Variants in LIN52 observed in about 807,000 individuals in gnomAD.
LIN52 encodes the protein lin-52 DREAM MuvB core complex component.
Under a neutral mutation model 18.5 loss-of-function variants are expected in LIN52, and 4 were observed. The observed-to-expected ratio is 0.22, with a 90% CI of 0.11 to 0.49. LIN52 has a LOEUF of 0.49. LIN52 is among the 20% of genes least tolerant of loss of function. LIN52 has a pLI of 0.97. For synonymous variants in LIN52, 34 were observed against 45.5 expected (o/e 0.75, Z 1.02); for missense variants, 102 against 139.5 (o/e 0.73, Z 1.35).
chr14:74,092,462 G>A (rs1172243049), intron 2 of LIN52, among the ~76,000 whole-genome samples: 1 of 149,904 alleles, frequency 6.7e-6, no homozygotes, highest in African/African-American at 2.4e-5. Context: ...ATGCCGCAAT[G>A]CCCGGCTAAT....
At chr14:74,184,869 G>A (rs531897154) in intron 5 of LIN52, among the ~76,000 whole-genome samples, 76 of 152,048 alleles carry the variant, frequency 5.0e-4, no homozygotes, top group Non-Finnish European at 8.8e-4. Flanking sequence ...TCTTTAGTGG[G>A]TGCCCCTTCA....
intron 5 of LIN52, among the ~76,000 whole-genome samples, chr14:74,174,132 T>C (rs1260412674): frequency 1.3e-5 from 2 of 152,246 alleles, no homozygotes; most frequent in African/African-American, 4.8e-5. Context: ...TTTATTGAGA[T>C]ATTTTCCACA....
At chr14:74,114,237 A>G in intron 5 of LIN52, 2 of 981,760 alleles carry the variant, frequency 2.0e-6, no homozygotes, top group South Asian at 4.7e-5. Context: ...GCTTTAAAAA[A>G]TTTTATTCTA....
chr14:74,163,301 A>G (rs2139567141), intron 5 of LIN52, among the ~76,000 whole-genome samples: 1 of 152,144 alleles, frequency 6.6e-6, no homozygotes, highest in African/African-American at 2.4e-5. Flanking sequence ...GCTGGTCTCA[A>G]ACTTCTTACC....
At position 74,085,018 on chromosome 14, in the gene LIN52, G is replaced by C. The variant is rs115302140; in HGVS notation, c.19+25G>C. Reference sequence around the variant, plus strand: ...GGTAAGAGCCGGCTTAGAGATCTTTGCCTGCAGCCTCCTTCTTTGCTCTAC... The same window carrying C: ...GGTAAGAGCCGGCTTAGAGATCTTTCCCTGCAGCCTCCTTCTTTGCTCTAC... On this transcript the variant is annotated intron_variant, in intron 1 of 5. Transcript: ENST00000555028. 7.3e-6 allele frequency: 10 copies of C among 1,374,008 alleles called. No individual in the cohort carries two copies. The Admixed American group carries it at 8.7e-5, about 12-fold the overall frequency. 85.1% of individuals were successfully genotyped at this position (1,374,008 alleles called of 1,614,324 possible).
At chr14:74,163,168 A>G (rs1366012649) in intron 5 of LIN52, among the ~76,000 whole-genome samples, 3 of 151,982 alleles carry the variant, frequency 2.0e-5, no homozygotes, top group East Asian at 1.9e-4. Flanking sequence ...TGCAGCCTCA[A>G]CCTCCTGGGC....
intron 5 of LIN52, among the ~76,000 whole-genome samples, chr14:74,117,716 C>T (rs956444535): frequency 3.0e-4 from 45 of 151,980 alleles, no homozygotes; most frequent in African/African-American, 9.7e-4. Context: ...ATGTAGTGCC[C>T]GTTTCTTTAT....
chr14:74,160,727 C>T (rs1359598475), intron 5 of LIN52, among the ~76,000 whole-genome samples: 1 of 152,120 alleles, frequency 6.6e-6, no homozygotes, highest in Non-Finnish European at 1.5e-5. Flanking sequence ...GGATTATAAC[C>T]AATCTAATAC....
intron 5 of LIN52, among the ~76,000 whole-genome samples, chr14:74,185,549 G>A (rs940063861): frequency 1.4e-4 from 21 of 151,822 alleles, no homozygotes; most frequent in African/African-American, 4.4e-4. Flanking sequence ...TCCTGACCTC[G>A]TGATCTGCCT....
chr14:74,093,345 A>G (rs1438083447), intron 2 of LIN52, among the ~76,000 whole-genome samples: 9 of 104,100 alleles, frequency 8.6e-5, no homozygotes, highest in African/African-American at 3.1e-4. Context: ...TTTTTTTGAG[A>G]TGGAGTTTCA....
intron 5 of LIN52, among the ~76,000 whole-genome samples, chr14:74,157,522 A>T (rs1595178460): frequency 6.6e-6 from 1 of 151,550 alleles, no homozygotes; most frequent in East Asian, 1.9e-4. Context: ...GCTGGAGTGC[A>T]GTGGTGTGAA....
chr14:74,143,439 G>A (rs2061140663), intron 5 of LIN52, among the ~76,000 whole-genome samples: 1 of 152,150 alleles, frequency 6.6e-6, no homozygotes, highest in South Asian at 2.1e-4. Flanking sequence ...TGTGGTCCCA[G>A]CTACTTGGGA....
rs1566873464 is a variant in LIN52, at chr14:74,199,762, G to C, written c.*785G>C. 1 of 152,208 alleles carries C rather than the reference G, an allele frequency of 6.6e-6. No individual in the cohort carries two copies. The highest frequency in any genetic ancestry group is 1.5e-5 in the Non-Finnish European group (1 of 68,042). The allele number at this position is 152,208 out of a possible 1,614,324, so 9.4% of individuals were successfully genotyped here. A position where few individuals can be genotyped will look rare whatever the true frequency, so the allele number is the denominator to read the frequency against. ...ATCTGTTACAGCTTCAAGCAAGAAA[G>C]TCAGTATAGCCTGAAAGACAAGAGA... On this transcript the variant is annotated 3_prime_UTR_variant, in exon 6 of 6. Transcript: ENST00000555028.
Position 74,137,920 on chromosome 14 carries a change from G to A in LIN52, c.283+36682G>A, listed in dbSNP as rs186647061. Among the ~76,000 whole-genome samples, 8 of 152,208 alleles carry A rather than the reference G, an allele frequency of 5.3e-5. No homozygotes were observed. The East Asian group carries it at 1.5e-3, about 29-fold the overall frequency. ...TGAGTTCTCTCTTTACAATAAGCCT[G>A]CTTTATCAAGCTCCTTTATTTCTGG... is the stretch of plus-strand genomic sequence containing the variant. On this transcript the variant is annotated intron_variant, in intron 5 of 5. Coordinates refer to ENST00000555028, the MANE Select transcript of LIN52 (RefSeq NM_001024674.3).
intron 5 of LIN52, among the ~76,000 whole-genome samples, chr14:74,178,905 A>T (rs918189256): frequency 4.6e-5 from 7 of 151,258 alleles, no homozygotes; most frequent in African/African-American, 1.7e-4. Context: ...ACATAGTGAG[A>T]CCCCATCTCT....
intron 5 of LIN52, among the ~76,000 whole-genome samples, chr14:74,161,334 C>T (rs1009610933): frequency 2.2e-4 from 33 of 152,226 alleles, no homozygotes; most frequent in African/African-American, 7.9e-4. Context: ...TACAGGCATG[C>T]ACCACCATGC....
At chr14:74,085,273 C>T (rs2239556) in intron 1 of LIN52, 73,218 of 342,528 alleles carry the variant, frequency 0.21, 8,464 homozygotes, top group South Asian at 0.47. Flanking sequence ...CTGTGCCTTC[C>T]TTATCTCTAT....
chr14:74,168,037 A>G (rs2061256936), intron 5 of LIN52, among the ~76,000 whole-genome samples: 1 of 152,246 alleles, frequency 6.6e-6, no homozygotes, highest in Admixed American at 6.5e-5. Context: ...CAAGAATTAA[A>G]TGGACCCTCA....
chr14:74,172,907 A>G (rs2061277704), intron 5 of LIN52, among the ~76,000 whole-genome samples: 1 of 152,186 alleles, frequency 6.6e-6, no homozygotes. Context: ...GAATATTCTA[A>G]TCTCTTCAAA....
Sources: gnomAD v4.1 joint callset for allele counts (sites outside exome capture counted in the v4.1 genomes callset) on GRCh38, gnomAD v4.1.1 for gene constraint, MANE v1.5 for transcripts, NCBI Gene and HGNC (gene_info 2026-07-23, HGNC 2026-07-21) for gene names.